FHIP1A: variants seen among roughly 807,000 people sequenced by gnomAD.
FHIP1A encodes FHF complex subunit HOOK interacting protein 1A.
A neutral mutation model predicts 88.6 loss-of-function variants in FHIP1A; 61 were observed. That is an observed-to-expected ratio of 0.69 (90% CI 0.56 to 0.85). The LOEUF (loss-of-function observed/expected upper bound fraction) is 0.85. FHIP1A is among the 40% of genes least tolerant of loss of function. FHIP1A has a pLI of 0.00. For synonymous variants in FHIP1A, 478 were observed against 496.0 expected, an observed-to-expected ratio of 0.96 and a Z score of 0.48; for missense variants, 1,154 against 1,273.5, an observed-to-expected ratio of 0.91 and a Z score of 1.43.
intron 3 of FHIP1A, among the ~76,000 whole-genome samples, chr4:151,506,643 G>A (rs926232662): frequency 5.9e-5 from 9 of 152,086 alleles, no homozygotes; most frequent in African/African-American, 2.2e-4. Context: ...GTTCTTGTGG[G>A]AACTAAGAGT....
intron 3 of FHIP1A, among the ~76,000 whole-genome samples, chr4:151,560,492 G>T (rs1031035939): frequency 6.6e-6 from 1 of 152,064 alleles, no homozygotes; most frequent in Non-Finnish European, 1.5e-5. Context: ...AAGATTCAGA[G>T]CATCTACTTC....
chr4:151,485,974 A>C (rs945818167), intron 3 of FHIP1A, among the ~76,000 whole-genome samples: 3 of 152,192 alleles, frequency 2.0e-5, no homozygotes, highest in Admixed American at 6.5e-5. Context: ...CAATTTTTCC[A>C]TGGATGACGG....
chr4:151,571,205 A>T (rs2126780374), intron 4 of FHIP1A, among the ~76,000 whole-genome samples: 2 of 152,348 alleles, frequency 1.3e-5, no homozygotes, highest in Middle Eastern at 3.4e-3. Context: ...CTCTGCTCTT[A>T]GAGCCAGGAG....
intron 3 of FHIP1A, among the ~76,000 whole-genome samples, chr4:151,516,713 A>G (rs1731252412): frequency 6.6e-6 from 1 of 152,252 alleles, no homozygotes; most frequent in African/African-American, 2.4e-5. Flanking sequence ...GCTCACCATT[A>G]CTGGCTATCA....
At chr4:151,591,473 C>CT (rs1358625973) in intron 7 of FHIP1A, among the ~76,000 whole-genome samples, 1 of 151,824 alleles carries the variant, frequency 6.6e-6, no homozygotes, top group East Asian at 1.9e-4. Flanking sequence ...TTTTATTATA[C>CT]TTTAAGTTCT....
intron 7 of FHIP1A, among the ~76,000 whole-genome samples, chr4:151,592,255 C>T (rs1300873282): frequency 2.0e-5 from 3 of 152,150 alleles, no homozygotes; most frequent in Non-Finnish European, 2.9e-5. Flanking sequence ...CTGCCTCAGC[C>T]TCCTGAGTAG....
intron 9 of FHIP1A, among the ~76,000 whole-genome samples, chr4:151,646,288 G>A (rs147041877): frequency 6.6e-6 from 1 of 152,200 alleles, no homozygotes; most frequent in South Asian, 2.1e-4. Context: ...GGGCACAAAG[G>A]CATGGAGTTT....
rs1186882798 is a variant in FHIP1A at position 151,656,362 on chromosome 4, G to A, written c.2682G>A (p.Leu894=). ...CCCAGCCACTCCTGCGCTCCTTTCT[G>A]CTCAACACCAACATGGTCTTCCAGC... ...SYPQPLLRSF[L]LNTNMVFQPS... is the part of the protein sequence containing the mutation. The change falls in exon 12 of 14, where the codon CTG becomes CTA. Residue 894 remains leucine (L), a synonymous_variant. Coordinates refer to ENST00000435205, the MANE Select transcript of FHIP1A (RefSeq NM_001109977.3). This position sits in a 1 kb window ranked among gnomAD's most constrained non-coding sequence, Gnocchi z 4.2. The A allele has an allele frequency of 6.4e-7, 1 of 1,551,674 alleles. No homozygotes were observed. The highest frequency in any genetic ancestry group is 2.4e-5 in the East Asian group (1 of 40,916).
intron 3 of FHIP1A, among the ~76,000 whole-genome samples, chr4:151,504,690 C>T (rs1419346465): frequency 2.6e-5 from 4 of 152,092 alleles, no homozygotes; most frequent in African/African-American, 4.8e-5. Context: ...GGTGCGATCT[C>T]GGCTCACTGC....
At chr4:151,643,578 T>C (rs774590477) in intron 9 of FHIP1A, among the ~76,000 whole-genome samples, 30 of 152,334 alleles carry the variant, frequency 2.0e-4, no homozygotes, top group Non-Finnish European at 4.1e-4. Context: ...TTTGTACCCC[T>C]TAACTAACTT....
intron 4 of FHIP1A, among the ~76,000 whole-genome samples, chr4:151,570,640 A>G (rs1423461488): frequency 1.3e-5 from 2 of 152,156 alleles, no homozygotes; most frequent in Admixed American, 6.5e-5. Context: ...TTAAAATTAC[A>G]TATACAGTAT....
In FHIP1A at chr4:151,438,050, C is replaced by G. The variant is rs1246300795; in HGVS notation, c.-355-16651C>G. Among the ~76,000 whole-genome samples the G allele has an allele frequency of 2.0e-5, 3 of 151,952 alleles. No individual in the cohort carries two copies. The East Asian group carries it at 5.8e-4, about 29-fold the overall frequency. ...ACCCTGGGACTGTATTGTCCCCACCCCCCAGCCCCCCAAACTGGGAAAGTG... is the reference window on the plus strand; with the variant it reads ...ACCCTGGGACTGTATTGTCCCCACCGCCCAGCCCCCCAAACTGGGAAAGTG... On this transcript the variant is annotated intron_variant, in intron 1 of 13. Transcript: ENST00000435205.
At chr4:151,414,212 G>T (rs550454226) in intron 1 of FHIP1A, among the ~76,000 whole-genome samples, 1 of 151,982 alleles carries the variant, frequency 6.6e-6, no homozygotes, top group African/African-American at 2.4e-5. Context: ...CACCATGCCC[G>T]GCTAAGTTTT....
intron 7 of FHIP1A, among the ~76,000 whole-genome samples, chr4:151,590,055 A>G (rs1330493285): frequency 6.6e-6 from 1 of 152,194 alleles, no homozygotes; most frequent in East Asian, 1.9e-4. Context: ...AAAATACAGA[A>G]CTTGTATTTG....
chr4:151,556,262 T>C (rs577521209), intron 3 of FHIP1A, among the ~76,000 whole-genome samples: 5 of 152,308 alleles, frequency 3.3e-5, no homozygotes, highest in South Asian at 2.1e-4. Flanking sequence ...GTTATTGATA[T>C]TAGTATGATC....
At chr4:151,571,177 CA>C (rs368800939) in intron 4 of FHIP1A, among the ~76,000 whole-genome samples, 1 of 152,338 alleles carries the variant, frequency 6.6e-6, no homozygotes, top group African/African-American at 2.4e-5. Context: ...TCCTTTCAAG[CA>C]TTGAATTCCA....
intron 3 of FHIP1A, among the ~76,000 whole-genome samples, chr4:151,535,077 T>C (rs1732015383): frequency 6.6e-6 from 1 of 151,984 alleles, no homozygotes. Context: ...CAGCCGGGTG[T>C]GGTGGTGCAC....
intron 3 of FHIP1A, among the ~76,000 whole-genome samples, chr4:151,524,596 G>T (rs544034935): frequency 1.5e-3 from 225 of 152,348 alleles, no homozygotes; most frequent in African/African-American, 5.2e-3. Flanking sequence ...GTAGCCATGG[G>T]TGGTGAACAG....
intron 2 of FHIP1A, among the ~76,000 whole-genome samples, chr4:151,476,472 C>T (rs994391108): frequency 2.6e-5 from 4 of 152,036 alleles, no homozygotes; most frequent in Non-Finnish European, 5.9e-5. Context: ...TATAAAAACC[C>T]TTTAAAATAT....
Sources: allele counts gnomAD v4.1 joint callset (sites outside exome capture counted in the v4.1 genomes callset), GRCh38; gene constraint gnomAD v4.1.1; non-coding constraint Gnocchi (gnomAD v3.1); transcripts MANE v1.5; gene names NCBI Gene and HGNC (gene_info 2026-07-23, HGNC 2026-07-21).